ARPP21: variants seen among roughly 807,000 people sequenced by gnomAD.
The protein encoded by ARPP21 is cAMP-regulated phosphoprotein 21.
A neutral mutation model predicts 113.2 loss-of-function variants in ARPP21; 69 were observed. The observed-to-expected ratio is 0.61, with a 90% CI of 0.50 to 0.74. The LOEUF (loss-of-function observed/expected upper bound fraction) is 0.74. Ranked by LOEUF, ARPP21 falls within the 30% of genes least tolerant of loss-of-function variation. The probability of loss-of-function intolerance (pLI) is 0.00; values close to 1 mark genes in which losing one functional copy is unlikely to be tolerated. For synonymous variants in ARPP21, 368 were observed against 375.5 expected (o/e 0.98, Z 0.23); for missense variants, 1,070 against 1,037.4 (o/e 1.03, Z -0.43).
rs1575753850 is a variant in ARPP21 at position 35,681,681 on chromosome 3, C to T, written c.-38-33C>T. 7 of 1,208,034 alleles carry T rather than the reference C, an allele frequency of 5.8e-6. No individual in the cohort carries two copies. The East Asian group carries it at 1.7e-4, about 29-fold the overall frequency. 74.8% of individuals were successfully genotyped at this position (1,208,034 alleles called of 1,614,324 possible). On this transcript the variant is annotated intron_variant, in intron 2 of 20. Coordinates refer to ENST00000684406, the MANE Select transcript of ARPP21 (RefSeq NM_001385562.1). ...AAAGAATGATAGTAAATACCTTGCACTGACTTTATTTTCTGATATCTTAAC... is the reference window on the plus strand; with the variant it reads ...AAAGAATGATAGTAAATACCTTGCATTGACTTTATTTTCTGATATCTTAAC...
At chr3:35,730,315 C>T (rs967732775) in intron 15 of ARPP21, among the ~76,000 whole-genome samples, 8 of 152,204 alleles carry the variant, frequency 5.3e-5, no homozygotes, top group African/African-American at 1.9e-4. Context: ...GGGGAAACTT[C>T]TCAACCCGGG....
At position 35,671,301 on chromosome 3, in the gene ARPP21, G is replaced by T. The variant is rs565582051; in HGVS notation, c.-212-8486G>T. Among the ~76,000 whole-genome samples, 134 of 152,190 alleles carry T rather than the reference G, an allele frequency of 8.8e-4. 1 individual carries two copies. Among genetic ancestry groups the T allele is most frequent in the African/African-American group, 3.1e-3 (130 of 41,556 alleles). ...ACTGAAAGATATTTAACTGTGGTGA[G>T]GAAAAATTCCAACACAATGTTGCTA... is the stretch of plus-strand genomic sequence containing the variant. On this transcript the variant is annotated intron_variant, in intron 1 of 20. Coordinates refer to ENST00000684406, the MANE Select transcript of ARPP21 (RefSeq NM_001385562.1).
intron 1 of ARPP21, chr3:35,679,552 T>C (rs2078348685): frequency 6.6e-6 from 1 of 151,520 alleles, no homozygotes; most frequent in South Asian, 2.1e-4. Flanking sequence ...CTTCGGTGCA[T>C]AATGCAATTG....
chr3:35,768,603 T>C (rs1422821965), intron 19 of ARPP21, among the ~76,000 whole-genome samples: 2 of 152,198 alleles, frequency 1.3e-5, no homozygotes, highest in East Asian at 3.9e-4. Context: ...TCGTGTATGA[T>C]TGCTTCTATA....
At chr3:35,742,090 T>G (rs13100210) in intron 18 of ARPP21, among the ~76,000 whole-genome samples, 15,558 of 152,296 alleles carry the variant, frequency 0.1, 821 homozygotes, top group Non-Finnish European at 0.12. Context: ...CCATTAGTCC[T>G]CATCAGAACA....
chr3:35,730,006 C>T (rs2093832826), intron 15 of ARPP21, among the ~76,000 whole-genome samples: 1 of 152,164 alleles, frequency 6.6e-6, no homozygotes. Flanking sequence ...CTAGAAGTTG[C>T]TTTTTAACCT....
chr3:35,692,869 G>T (rs1265546231), intron 9 of ARPP21, among the ~76,000 whole-genome samples: 1 of 151,702 alleles, frequency 6.6e-6, no homozygotes, highest in African/African-American at 2.4e-5. Context: ...GGATAGAGCA[G>T]ATATGGAACA....
At chr3:35,737,383 C>T in intron 16 of ARPP21, 21 bp downstream of exon 16, 1 of 1,572,464 alleles carries the variant, frequency 6.4e-7, no homozygotes, top group Non-Finnish European at 8.7e-7. Flanking sequence ...GGTTGGAAGG[C>T]AGGGAAGGGA....
chr3:35,652,719 C>T (rs1247905214), intron 1 of ARPP21, among the ~76,000 whole-genome samples: 6 of 151,756 alleles, frequency 4.0e-5, no homozygotes, highest in African/African-American at 4.8e-5. Context: ...TGAGGTACAT[C>T]GATAAATGGT....
chr3:35,641,306 A>C (rs1697994859), intron 1 of ARPP21: 2 of 152,240 alleles, frequency 1.3e-5, no homozygotes, highest in South Asian at 2.1e-4. Flanking sequence ...ATTTCATTCA[A>C]ATGCAGAATA....
chr3:35,659,912 G>A (rs1024269884), intron 1 of ARPP21, among the ~76,000 whole-genome samples: 2 of 152,166 alleles, frequency 1.3e-5, no homozygotes, highest in African/African-American at 2.4e-5. Context: ...AATGACACCT[G>A]GGTGTGTAAA....
In ARPP21 at chr3:35,743,905, G is replaced by A; in HGVS notation, c.2077G>A (p.Ala693Thr). ...TSTTQQYRPM[A>T]PVQYNAQRSQ... ...AACCACGCAACAGTACCGGCCCATG[G>A]CCCCGGTTCAGTACAACGCTCAGAG... The change falls in exon 19 of 21, where the codon GCC becomes ACC. Residue 693 changes from alanine (A) to threonine (T), a missense_variant. By Grantham distance (58) the Ala-to-Thr change is moderately conservative. Coordinates refer to ENST00000684406, the MANE Select transcript of ARPP21 (RefSeq NM_001385562.1). The A allele has an allele frequency of 6.2e-7, 1 of 1,614,056 alleles. No homozygotes were observed. Among genetic ancestry groups the A allele is most frequent in the Non-Finnish European group, 8.5e-7 (1 of 1,179,914 alleles).
At chr3:35,684,641 G>T (rs1575790831) in intron 5 of ARPP21, 2 of 985,318 alleles carry the variant, frequency 2.0e-6, no homozygotes, top group Non-Finnish European at 1.2e-6. Context: ...AGGGAAAATT[G>T]ATTAAGATAT....
chr3:35,768,464 C>A (rs1003738202), intron 19 of ARPP21, among the ~76,000 whole-genome samples: 2 of 152,070 alleles, frequency 1.3e-5, no homozygotes, highest in Admixed American at 6.6e-5. Context: ...TTATGTGAGA[C>A]TATCACTAGT....
At chr3:35,653,123 A>C (rs1019310031) in intron 1 of ARPP21, among the ~76,000 whole-genome samples, 3 of 151,972 alleles carry the variant, frequency 2.0e-5, no homozygotes, top group South Asian at 4.1e-4. Context: ...TGTACTGTAA[A>C]TGTTACCTGA....
intron 11 of ARPP21, 75 bp downstream of exon 11, chr3:35,709,145 C>T (rs111461953): frequency 5.6e-5 from 56 of 1,001,882 alleles, no homozygotes; most frequent in Admixed American, 2.7e-4. Flanking sequence ...CCCCAGACAG[C>T]GAGGTGGCAG....
At chr3:35,750,545 G>A (rs138290068) in intron 19 of ARPP21, among the ~76,000 whole-genome samples, 1 of 152,220 alleles carries the variant, frequency 6.6e-6, no homozygotes, top group African/African-American at 2.4e-5. Flanking sequence ...TTCTGTGGTT[G>A]TTGGGTGGGA....
chr3:35,712,038 C>T (rs1444449853), intron 11 of ARPP21, among the ~76,000 whole-genome samples: 1 of 152,166 alleles, frequency 6.6e-6, no homozygotes, highest in African/African-American at 2.4e-5. Flanking sequence ...GAGGCTATTA[C>T]TGTATCCTCT....
At chr3:35,694,537 C>T (rs190836204) in intron 9 of ARPP21, among the ~76,000 whole-genome samples, 1 of 151,546 alleles carries the variant, frequency 6.6e-6, no homozygotes. Context: ...AAATTAGGCA[C>T]AAACTGAGTT....
Sources: allele counts gnomAD v4.1 joint callset (sites outside exome capture counted in the v4.1 genomes callset), GRCh38; gene constraint gnomAD v4.1.1; transcripts MANE v1.5; gene names NCBI Gene and HGNC (gene_info 2026-07-23, HGNC 2026-07-21).